The following NIN variants were observed in gnomAD, a reference collection of about 807,000 sequenced individuals.
NIN encodes ninein.
In NIN, 137 loss-of-function variants were observed where a neutral mutation model predicts 257.6. The observed-to-expected ratio is 0.53, with a 90% CI of 0.46 to 0.61. NIN has a LOEUF of 0.61. Ranked by LOEUF, NIN falls within the 20% of genes least tolerant of loss-of-function variation. The probability of loss-of-function intolerance (pLI) is 0.00; values close to 1 mark genes in which losing one functional copy is unlikely to be tolerated. For synonymous variants in NIN, 918 were observed against 919.8 expected, an observed-to-expected ratio of 1.00 and a Z score of 0.04; for missense variants, 2,439 against 2,501.2, an observed-to-expected ratio of 0.98 and a Z score of 0.53.
chr14:50,770,635 A>T, intron 11 of NIN, 73 bp from the exon 12 acceptor site: 1 of 1,539,262 alleles, frequency 6.5e-7, no homozygotes, highest in Non-Finnish European at 8.9e-7. Flanking sequence ...CCAAAAATGG[A>T]AACACAGAGG....
rs73297402 is a variant in NIN, at chr14:50,804,488, C to T, written c.265+2249G>A. On this transcript the variant is annotated intron_variant, in intron 4 of 30. Transcript: ENST00000530997. ...ACACTGAGGTGGAGCAGTTTTGTGA[C>T]GAAGACTTACTGCCTACCCAAAGGA... 5.0e-3 allele frequency among the ~76,000 whole-genome samples: 769 copies of T among 152,286 alleles called. 11 individuals are homozygous for T. The highest frequency in any genetic ancestry group is 0.017 in the African/African-American group (719 of 41,554).
Position 50,743,527 on chromosome 14 carries a change from C to T in NIN, c.5190G>A (p.Leu1730=), listed in dbSNP as rs1462856305. 2 of 1,607,816 alleles carry T rather than the reference C, an allele frequency of 1.2e-6. No individual in the cohort carries two copies. Among genetic ancestry groups the T allele is most frequent in the African/African-American group, 1.3e-5 (1 of 74,882 alleles). Residue 1730 remains leucine (L), a splice_region_variant and synonymous_variant, in exon 24 of 31, where the codon TTG becomes TTA. Coordinates refer to ENST00000530997, the MANE Select transcript of NIN (RefSeq NM_020921.4). ...TATGCTCTAAAAGACTTGATTTTGC[C>T]AACTGTTTCAGGAAGGGAAAAAGAG... The part of the protein sequence containing the change: ...SEELNSCVDK[L]AKSSLLEHRI...
At chr14:50,750,514 C>G (rs1169844317) in intron 21 of NIN, among the ~76,000 whole-genome samples, 1 of 152,134 alleles carries the variant, frequency 6.6e-6, no homozygotes, top group Non-Finnish European at 1.5e-5. Flanking sequence ...AATTACTAAC[C>G]CATACCTCTT....
At chr14:50,808,494 C>G (rs1385176620) in intron 3 of NIN, among the ~76,000 whole-genome samples, 1 of 152,222 alleles carries the variant, frequency 6.6e-6, no homozygotes, top group African/African-American at 2.4e-5. Flanking sequence ...AACCCTAGCT[C>G]TTCCTTCACT....
chr14:50,728,875 G>A (rs2040545418), intron 29 of NIN, among the ~76,000 whole-genome samples: 1 of 152,204 alleles, frequency 6.6e-6, no homozygotes, highest in Admixed American at 6.5e-5. Flanking sequence ...ATAGTTTTAT[G>A]AACTATGTCA....
rs141830819 is a variant in NIN, at chr14:50,746,596, T to C, written c.5064+1396A>G. On this transcript the variant is annotated intron_variant, in intron 22 of 30. Coordinates refer to ENST00000530997, the MANE Select transcript of NIN (RefSeq NM_020921.4). ...GAAAGGACAACTTTGTGCTTACAGG[T>C]TGAAGAGACAGATGTTAAGAATGAA... Among the ~76,000 whole-genome samples the C allele has an allele frequency of 5.1e-3, 775 of 152,288 alleles. 5 individuals carry two copies. Among genetic ancestry groups the C allele is most frequent in the African/African-American group, 0.017 (721 of 41,544 alleles).
rs1245479551 is a variant in NIN, at chr14:50,756,828, AAG to A, written c.4200_4201del (p.Leu1401GlyfsTer7). 6 of 1,551,590 alleles carry A rather than the reference AAG, an allele frequency of 3.9e-6. No individual in the cohort carries two copies. The highest frequency in any genetic ancestry group is 4.9e-5 in the East Asian group (2 of 40,936). ...AATTTCATGTGCTTTTACTTTTTCC[AAG>A]AGCTGTGTGTTCCCCTCAAGGTACT... On this transcript the variant is annotated frameshift_variant, in exon 18 of 31. Coordinates refer to ENST00000530997, the MANE Select transcript of NIN (RefSeq NM_020921.4). LOFTEE classifies it high-confidence loss of function.
Position 50,723,540 on chromosome 14 carries a change from T to C in NIN, c.6325A>G (p.Lys2109Glu), listed in dbSNP as rs2040309407. The C allele has an allele frequency of 3.7e-6, 6 of 1,613,890 alleles. No individual in the cohort carries two copies. The East Asian group carries it at 1.1e-4, about 30-fold the overall frequency. ...ACTATATTACTGAGGCTGGCAATCT[T>C]CTCCTCCAGGAGGTAATTTTTCTTC... ...AEKKNYLLEE[K>E]IASLSNIVRN... The change falls in exon 31 of 31, where the codon AAG (lysine) becomes GAG (glutamate). Residue 2109 changes from lysine (K) to glutamate (E), a missense_variant. Coordinates refer to ENST00000530997, the MANE Select transcript of NIN (RefSeq NM_020921.4).
chr14:50,767,626 G>C (rs1054595472), intron 12 of NIN, among the ~76,000 whole-genome samples: 4 of 152,016 alleles, frequency 2.6e-5, no homozygotes, highest in Admixed American at 1.3e-4. Flanking sequence ...GACCATCCTG[G>C]CGAACACGGT....
At chr14:50,778,709 G>C in intron 6 of NIN, 56 bp downstream of exon 6, 4 of 1,492,024 alleles carry the variant, frequency 2.7e-6, no homozygotes, top group Non-Finnish European at 3.7e-6. Context: ...ACCGGGTGTG[G>C]AGAGCACCCG....
chr14:50,817,057 G>A (rs1290102311), intron 3 of NIN, among the ~76,000 whole-genome samples: 2 of 152,196 alleles, frequency 1.3e-5, no homozygotes, highest in African/African-American at 4.8e-5. Context: ...TTCAGACTTA[G>A]AGACTAGATC....
intron 17 of NIN, 77 bp downstream of exon 17, chr14:50,759,780 C>G: frequency 2.0e-6 from 3 of 1,481,766 alleles, no homozygotes; most frequent in Non-Finnish European, 2.7e-6. Flanking sequence ...TGAGCCACCG[C>G]GCCCAGCCAC....
At chr14:50,787,322 G>A (rs537104819) in intron 5 of NIN, among the ~76,000 whole-genome samples, 22 of 152,294 alleles carry the variant, frequency 1.4e-4, no homozygotes, top group African/African-American at 5.3e-4. Flanking sequence ...CTGAGTAATC[G>A]AGAACAGAAT....
chr14:50,754,110 C>G (rs1464497397), intron 20 of NIN, among the ~76,000 whole-genome samples: 1 of 152,182 alleles, frequency 6.6e-6, no homozygotes, highest in Non-Finnish European at 1.5e-5. Flanking sequence ...ACAAATTGAG[C>G]ACTGAATGGC....
At chr14:50,725,242 C>T (rs1396314952) in intron 30 of NIN, among the ~76,000 whole-genome samples, 2 of 151,856 alleles carry the variant, frequency 1.3e-5, no homozygotes, top group Non-Finnish European at 2.9e-5. Context: ...TTTCTGCCCC[C>T]CACCCCACAT....
intron 18 of NIN, 94 bp downstream of exon 18, chr14:50,756,398 C>G (rs2042028243): frequency 7.6e-7 from 1 of 1,313,308 alleles, no homozygotes. Context: ...GTGAAGACTA[C>G]TAGGTTAGTT....
chr14:50,808,402 A>G (rs1354764050), intron 3 of NIN, among the ~76,000 whole-genome samples: 1 of 152,174 alleles, frequency 6.6e-6, no homozygotes, highest in African/African-American at 2.4e-5. Flanking sequence ...ATTTCTACAG[A>G]ATCATTCATT....
intron 5 of NIN, among the ~76,000 whole-genome samples, chr14:50,789,202 T>C (rs2043472609): frequency 1.3e-5 from 2 of 151,892 alleles, no homozygotes; most frequent in African/African-American, 4.8e-5. Context: ...AGGAATAAAT[T>C]CCCAACATCC....
intron 14 of NIN, among the ~76,000 whole-genome samples, chr14:50,765,882 G>A (rs2042464757): frequency 6.7e-6 from 1 of 149,708 alleles, no homozygotes; most frequent in South Asian, 2.1e-4. Flanking sequence ...AAGCTTTAGG[G>A]TACATGTGCA....
Sources: allele counts gnomAD v4.1 joint callset (sites outside exome capture counted in the v4.1 genomes callset), GRCh38; gene constraint gnomAD v4.1.1; transcripts MANE v1.5; gene names NCBI Gene and HGNC (gene_info 2026-07-23, HGNC 2026-07-21).